Variants in LNPEP observed in about 807,000 individuals in gnomAD.
LNPEP encodes the protein leucyl and cystinyl aminopeptidase.
Under a neutral mutation model 120.6 loss-of-function variants are expected in LNPEP, and 64 were observed. The observed-to-expected ratio is 0.53, with a 90% CI of 0.43 to 0.65. LNPEP has a LOEUF of 0.65. LNPEP is among the 30% of genes least tolerant of loss of function. The pLI is 0.00. For synonymous variants in LNPEP, 435 were observed against 425.4 expected (o/e 1.02, Z -0.28); for missense variants, 1,057 against 1,200.0 (o/e 0.88, Z 1.76).
chr5:96,995,465 A>G (rs758296699), intron 6 of LNPEP, among the ~76,000 whole-genome samples: 88 of 151,174 alleles, frequency 5.8e-4, no homozygotes, highest in Middle Eastern at 3.4e-3. Flanking sequence ...TTTTCTTTTT[A>G]CTACCTCATA....
chr5:96,979,595 A>G lies in LNPEP; in HGVS notation c.477A>G (p.Lys159=). 6.2e-7 allele frequency: 1 copy of G among 1,614,086 alleles called. No homozygotes were observed. The highest frequency in any genetic ancestry group is 8.5e-7 in the Non-Finnish European group (1 of 1,179,954). Residue 159 remains lysine, a synonymous_variant, in exon 2 of 18, where the codon AAA becomes AAG. Coordinates refer to ENST00000231368, the MANE Select transcript of LNPEP (RefSeq NM_005575.3). ...GLIQPFATNG[K]LFPWAQIRLP... ...TTCAGCCATTTGCAACAAATGGGAA[A>G]TTGTTTCCATGGGCACAGATCAGGC...
intron 13 of LNPEP, among the ~76,000 whole-genome samples, chr5:97,021,796 G>T (rs1425957743): frequency 1.3e-5 from 2 of 150,116 alleles, no homozygotes; most frequent in Non-Finnish European, 2.9e-5. Flanking sequence ...CATCCCAGCC[G>T]TATGTGGGTT....
chr5:97,028,166 T>C (rs557890809), intron 17 of LNPEP, among the ~76,000 whole-genome samples: 1 of 152,236 alleles, frequency 6.6e-6, no homozygotes, highest in Non-Finnish European at 1.5e-5. Context: ...CCATTTTAAG[T>C]TAGAAAAATG....
chr5:96,982,514 G>T (rs558290536), intron 2 of LNPEP, among the ~76,000 whole-genome samples: 1 of 152,042 alleles, frequency 6.6e-6, no homozygotes, highest in African/African-American at 2.4e-5. Flanking sequence ...AGGCTTTTTC[G>T]CCTTAGTGTG....
chr5:97,015,073 T>G lies in LNPEP; in HGVS notation c.2354T>G (p.Met785Arg), dbSNP rs779794615. Residue 785 changes from methionine to arginine, a missense_variant, in exon 13 of 18, where the codon ATG becomes AGG. Met to Arg is a moderately conservative substitution (Grantham distance 91). Coordinates refer to ENST00000231368, the MANE Select transcript of LNPEP (RefSeq NM_005575.3). ...AACCTCCTTGAAAAACTGGGATACA[T>G]GGATCTGGCCTCAAGACTGGTGGTA... ...IYNLLEKLGY[M>R]DLASRLVTRV... 3 of 1,589,302 alleles carry G rather than the reference T, an allele frequency of 1.9e-6. No individual in the cohort carries two copies. The Admixed American group carries it at 5.3e-5, about 28-fold the overall frequency.
At chr5:96,987,801 C>A (rs1020233366) in intron 4 of LNPEP, among the ~76,000 whole-genome samples, 1 of 152,188 alleles carries the variant, frequency 6.6e-6, no homozygotes, top group African/African-American at 2.4e-5. Flanking sequence ...GATATTATAA[C>A]TGGCTTAAAT....
rs1382881944 is a variant in LNPEP, at chr5:97,024,646, C to T, written c.2687C>T (p.Ala896Val). ...GCAGAGAAGAACAAAATACTAGAAG[C>T]ACTTGCCAGCTCAGAGGATGTGCGG... is the stretch of plus-strand genomic sequence containing the variant. ...SEAEKNKILEALASSEDVRKL... is the reference protein window; with the variant it reads ...SEAEKNKILEVLASSEDVRKL... The change falls in exon 15 of 18, where the codon GCA (alanine) becomes GTA (valine). Residue 896 changes from alanine (A) to valine (V), a missense_variant. Ala to Val is a moderately conservative substitution (Grantham distance 64, BLOSUM62 0). Coordinates refer to ENST00000231368, the MANE Select transcript of LNPEP (RefSeq NM_005575.3). 1 of 1,613,948 alleles carries T rather than the reference C, an allele frequency of 6.2e-7. No homozygotes were observed. Among genetic ancestry groups the T allele is most frequent in the Non-Finnish European group, 8.5e-7 (1 of 1,179,900 alleles).
intron 9 of LNPEP, among the ~76,000 whole-genome samples, chr5:97,004,243 G>T (rs1425238137): frequency 6.6e-6 from 1 of 152,188 alleles, no homozygotes; most frequent in East Asian, 1.9e-4. Context: ...GACTGAGCGT[G>T]GTGGCTCACG....
rs559979973 is a variant in LNPEP at position 96,986,429 on chromosome 5, G to T, written c.1000-110G>T. On this transcript the variant is annotated intron_variant, in intron 3 of 17. Transcript: ENST00000231368. ...AATTCATACTGAGAGGTTATAATAT[G>T]CTAGCATCTTTACCATTTATTTCCT... 3 of 1,057,816 alleles carry T rather than the reference G, an allele frequency of 2.8e-6. No individual in the cohort carries two copies. The South Asian group carries it at 4.6e-5, about 16-fold the overall frequency. The allele number at this position is 1,057,816 out of a possible 1,614,324, so 65.5% of individuals were successfully genotyped here.
At chr5:96,988,377 G>A (rs1479993178) in intron 4 of LNPEP, among the ~76,000 whole-genome samples, 3 of 129,908 alleles carry the variant, frequency 2.3e-5, no homozygotes, top group Non-Finnish European at 4.7e-5. Context: ...TCGCACTGTC[G>A]CCTGGGGTGG....
intron 13 of LNPEP, 71 bp from the exon 14 acceptor site, chr5:97,022,229 G>C (rs549386958): frequency 3.3e-5 from 32 of 984,164 alleles, no homozygotes; most frequent in Middle Eastern, 4.9e-4. Flanking sequence ...GCACCTGGCT[G>C]TAATTGTCCT....
At chr5:97,027,600 G>A (rs751924695) in intron 16 of LNPEP, 133 bp from the exon 17 acceptor site, 10 of 616,896 alleles carry the variant, frequency 1.6e-5, no homozygotes, top group Non-Finnish European at 2.6e-5. Context: ...GGGCTACCCC[G>A]GTTTCCTCAG....
chr5:96,943,224 A>T (rs1029043807), intron 1 of LNPEP: 20 of 139,156 alleles, frequency 1.4e-4, no homozygotes, highest in East Asian at 4.7e-4. Flanking sequence ...CCAGTTGTTT[A>T]AAAAAAAAAA....
At chr5:96,961,283 A>G (rs1789598676) in intron 1 of LNPEP, among the ~76,000 whole-genome samples, 5 of 152,192 alleles carry the variant, frequency 3.3e-5, no homozygotes, top group Admixed American at 3.3e-4. Context: ...CAAAATCACC[A>G]GACAGAATTT....
At chr5:96,976,858 A>G (rs1327915190) in intron 1 of LNPEP, among the ~76,000 whole-genome samples, 1 of 152,178 alleles carries the variant, frequency 6.6e-6, no homozygotes, top group African/African-American at 2.4e-5. Context: ...AAAATTGAAT[A>G]CAGCAATATT....
rs934421554 is a variant in LNPEP, at chr5:97,034,045, A to C, written c.*5512A>C. On this transcript the variant is annotated 3_prime_UTR_variant, in exon 18 of 18. Coordinates refer to ENST00000231368, the MANE Select transcript of LNPEP (RefSeq NM_005575.3). ...TATTATTTCATGCTGTACCCAGTCC[A>C]TTGCTTGGACTTACGGGTACCTAAT... is the stretch of plus-strand genomic sequence containing the variant. The C allele has an allele frequency of 6.6e-6, 1 of 152,072 alleles. No homozygotes were observed. Among genetic ancestry groups the C allele is most frequent in the Admixed American group, 6.6e-5 (1 of 15,248 alleles). 9.4% of individuals were successfully genotyped at this position (152,072 alleles called of 1,614,324 possible).
intron 4 of LNPEP, 136 bp downstream of exon 4, chr5:96,986,806 T>G: frequency 1.3e-6 from 1 of 787,832 alleles, no homozygotes. Flanking sequence ...ATACCAGAAA[T>G]GCTACTTTTT....
At chr5:97,023,285 GCTCTGT>G (rs985453233) in intron 14 of LNPEP, among the ~76,000 whole-genome samples, 35 of 151,718 alleles carry the variant, frequency 2.3e-4, no homozygotes, top group African/African-American at 8.2e-4. Context: ...ATGGAGTCTT[GCTCTGT>G]CACCCAGGCT....
At chr5:97,024,131 C>G (rs1461292650) in intron 14 of LNPEP, among the ~76,000 whole-genome samples, 1 of 152,204 alleles carries the variant, frequency 6.6e-6, no homozygotes, top group Non-Finnish European at 1.5e-5. Flanking sequence ...TGTGTTTTCT[C>G]CCTGCACCCC....
Sources: allele counts gnomAD v4.1 joint callset (sites outside exome capture counted in the v4.1 genomes callset), GRCh38; gene constraint gnomAD v4.1.1; transcripts MANE v1.5; gene names NCBI Gene and HGNC (gene_info 2026-07-23, HGNC 2026-07-21).